Variants in MALRD1 observed in about 807,000 individuals in gnomAD.
MALRD1 encodes MAM and LDL receptor class A domain containing 1, also known as MAM and LDL-receptor class A domain-containing protein 1.
In MALRD1, 247 loss-of-function variants were observed where a neutral mutation model predicts 242.1. The observed-to-expected ratio is 1.02, with a 90% CI of 0.92 to 1.13. The LOEUF (loss-of-function observed/expected upper bound fraction) is 1.13. Among genes scored for constraint, MALRD1 ranks in the 50% most tolerant of loss-of-function variants. The pLI is 0.00. For synonymous variants in MALRD1, 995 were observed against 866.6 expected, an observed-to-expected ratio of 1.15 and a Z score of -2.60; for missense variants, 2,989 against 2,533.1, an observed-to-expected ratio of 1.18 and a Z score of -3.86.
intron 38 of MALRD1, among the ~76,000 whole-genome samples, chr10:19,718,204 G>A (rs1834503179): frequency 6.6e-6 from 1 of 151,096 alleles, no homozygotes; most frequent in Non-Finnish European, 1.5e-5. Flanking sequence ...AAGAAGAAGA[G>A]GAAGAAGAAG....
intron 32 of MALRD1, among the ~76,000 whole-genome samples, chr10:19,536,830 C>T (rs1358685487): frequency 6.6e-6 from 1 of 152,060 alleles, no homozygotes; most frequent in Non-Finnish European, 1.5e-5. Context: ...ACTATGAGAC[C>T]TTCCATTTGT....
chr10:19,057,938 A>G (rs2131217212), intron 1 of MALRD1, among the ~76,000 whole-genome samples: 1 of 152,350 alleles, frequency 6.6e-6, no homozygotes, highest in African/African-American at 2.4e-5. Context: ...AATATTAAGC[A>G]TATGTGTAAT....
chr10:19,553,931 T>C (rs1025279396), intron 32 of MALRD1, among the ~76,000 whole-genome samples: 2 of 152,224 alleles, frequency 1.3e-5, no homozygotes, highest in African/African-American at 2.4e-5. Context: ...AACTTTCCCA[T>C]TCTTTCATTC....
rs78055883 is a variant in MALRD1, at chr10:19,705,252, C to G, written c.6314+12698C>G. On this transcript the variant is annotated intron_variant, in intron 38 of 39. Coordinates refer to ENST00000454679, the MANE Select transcript of MALRD1 (RefSeq NM_001142308.3). Reference sequence around the variant, plus strand: ...CTGCGCCCACCGATGAATATTTATCCTTAGCAAAAATCAAAATCTTGCTTA... The same window carrying G: ...CTGCGCCCACCGATGAATATTTATCGTTAGCAAAAATCAAAATCTTGCTTA... Among the ~76,000 whole-genome samples the G allele has an allele frequency of 2.5e-3, 383 of 152,240 alleles. 10 individuals are homozygous for G. The East Asian group carries it at 0.054, about 21-fold the overall frequency.
At chr10:19,055,242 C>T (rs117466080) in intron 1 of MALRD1, among the ~76,000 whole-genome samples, 2,153 of 152,216 alleles carry the variant, frequency 0.014, 18 homozygotes, top group Admixed American at 0.025. Context: ...ACTTTTAAAT[C>T]AGGATATTAT....
At chr10:19,355,767 A>AT (rs1844599152) in intron 26 of MALRD1, among the ~76,000 whole-genome samples, 1 of 148,540 alleles carries the variant, frequency 6.7e-6, no homozygotes, top group Non-Finnish European at 1.5e-5. Context: ...CTGCGAAATG[A>AT]TTCTGAAACA....
At chr10:19,267,234 T>G (rs1275128786) in intron 19 of MALRD1, among the ~76,000 whole-genome samples, 1 of 152,118 alleles carries the variant, frequency 6.6e-6, no homozygotes, top group Non-Finnish European at 1.5e-5. Flanking sequence ...AATTATTAGT[T>G]ATTACAATTT....
chr10:19,729,959 G>T (rs74815705), intron 38 of MALRD1, among the ~76,000 whole-genome samples: 6,549 of 151,490 alleles, frequency 0.043, 212 homozygotes, highest in East Asian at 0.11. Context: ...GGATGGTCTC[G>T]ATCTCCTGAC....
chr10:19,639,248 C>T (rs1293697921), intron 36 of MALRD1, among the ~76,000 whole-genome samples: 1 of 152,136 alleles, frequency 6.6e-6, no homozygotes, highest in Non-Finnish European at 1.5e-5. Context: ...CTCAGCTGTA[C>T]ACAGATGGGT....
intron 19 of MALRD1, among the ~76,000 whole-genome samples, chr10:19,275,333 T>G (rs1276793374): frequency 1.3e-5 from 2 of 152,242 alleles, no homozygotes; most frequent in Non-Finnish European, 2.9e-5. Flanking sequence ...GCTGGGCTTC[T>G]GTCCTGCCCT....
chr10:19,124,972 G>A (rs1837205707), intron 7 of MALRD1, among the ~76,000 whole-genome samples: 1 of 96,358 alleles, frequency 1.0e-5, no homozygotes, highest in Non-Finnish European at 1.9e-5. Context: ...TTGAGACAGA[G>A]TCTCAATCTG....
At chr10:19,478,043 C>T (rs777927346) in intron 29 of MALRD1, among the ~76,000 whole-genome samples, 1 of 152,142 alleles carries the variant, frequency 6.6e-6, no homozygotes, top group Non-Finnish European at 1.5e-5. Context: ...ACAGGCTGCT[C>T]TTTGTTGGAA....
At chr10:19,697,085 T>C (rs1833412714) in intron 38 of MALRD1, among the ~76,000 whole-genome samples, 1 of 152,134 alleles carries the variant, frequency 6.6e-6, no homozygotes. Flanking sequence ...AATACTAGTG[T>C]ATTTGTCTGG....
At chr10:19,600,251 T>C (rs547676491) in intron 34 of MALRD1, among the ~76,000 whole-genome samples, 1 of 152,312 alleles carries the variant, frequency 6.6e-6, no homozygotes, top group African/African-American at 2.4e-5. Flanking sequence ...GTGTAAAGAT[T>C]ATTCCTCTGC....
intron 33 of MALRD1, among the ~76,000 whole-genome samples, chr10:19,584,860 A>G (rs1282703043): frequency 6.6e-6 from 1 of 151,742 alleles, no homozygotes; most frequent in African/African-American, 2.4e-5. Context: ...GTGGGAGTCT[A>G]AGTCTCTTTG....
At chr10:19,276,229 C>A (rs76734294) in intron 19 of MALRD1, among the ~76,000 whole-genome samples, 4,526 of 152,130 alleles carry the variant, frequency 0.03, 108 homozygotes, top group Middle Eastern at 0.075. Context: ...ACGTCACTTT[C>A]CAGATGCCAT....
Position 19,637,174 on chromosome 10 carries a change from A to C in MALRD1, c.6137+21251A>C, listed in dbSNP as rs546647677. ...ATATACATTTAGAAAATTGAAGAGA[A>C]TACATATGTCAACCTAACAAATAAT... On this transcript the variant is annotated intron_variant, in intron 36 of 39. Coordinates refer to ENST00000454679, the MANE Select transcript of MALRD1 (RefSeq NM_001142308.3). Among the ~76,000 whole-genome samples the C allele has an allele frequency of 8.1e-4, 124 of 152,152 alleles. 2 individuals carry two copies. Among genetic ancestry groups the C allele is most frequent in the Non-Finnish European group, 5.7e-4 (39 of 68,024 alleles).
chr10:19,066,831 A>G lies in MALRD1; in HGVS notation c.312A>G (p.Pro104=). ...GTGGGATGATTGGTCTATCACCTCC[A>G]TTTTATGATCACAATGGTGATGTGT... The part of the protein sequence containing the change: ...KRSGMIGLSP[P]FYDHNGDVSA... Residue 104 remains proline (P), a synonymous_variant, in exon 2 of 40, where the codon CCA becomes CCG. Transcript: ENST00000454679. The G allele has an allele frequency of 1.6e-6, 2 of 1,233,666 alleles. No individual in the cohort carries two copies. Among genetic ancestry groups the G allele is most frequent in the Non-Finnish European group, 2.0e-6 (2 of 988,024 alleles). 76.4% of individuals were successfully genotyped at this position (1,233,666 alleles called of 1,614,324 possible). A position where few individuals can be genotyped will look rare whatever the true frequency, so the allele number is the denominator to read the frequency against.
chr10:19,614,302 A>G (rs1442914081), intron 35 of MALRD1, among the ~76,000 whole-genome samples: 1 of 152,024 alleles, frequency 6.6e-6, no homozygotes, highest in Non-Finnish European at 1.5e-5. Flanking sequence ...CAACTATACT[A>G]AGATGTCTAT....
Sources: gnomAD v4.1 joint callset for allele counts (sites outside exome capture counted in the v4.1 genomes callset) on GRCh38, gnomAD v4.1.1 for gene constraint, MANE v1.5 for transcripts, NCBI Gene and HGNC (gene_info 2026-07-23, HGNC 2026-07-21) for gene names.